The following IRF4 variants were observed in gnomAD, a reference collection of about 807,000 sequenced individuals.
The protein encoded by IRF4 is interferon regulatory factor 4.
In IRF4, 13 loss-of-function variants were observed where a neutral mutation model predicts 55.5. The observed-to-expected ratio is 0.23, with a 90% CI of 0.15 to 0.37. IRF4 has a LOEUF of 0.37. Ranked by LOEUF, IRF4 falls within the 10% of genes least tolerant of loss-of-function variation. The probability of loss-of-function intolerance (pLI) is 1.00; values close to 1 mark genes in which losing one functional copy is unlikely to be tolerated. For missense variants in IRF4, 397 were observed against 593.8 expected (o/e 0.67, Z 3.44); for synonymous variants, 249 against 240.7 (o/e 1.03, Z -0.32).
intron 1 of IRF4, among the ~76,000 whole-genome samples, 197 bp from the exon 2 acceptor site, chr6:392,901 C>A (rs946602420): frequency 6.6e-6 from 1 of 151,800 alleles, no homozygotes; most frequent in African/African-American, 2.4e-5. Context: ...AGGCGGACGG[C>A]TGTGCCCGCC....
chr6:405,176 G>C, intron 8 of IRF4, 46 bp downstream of exon 8: 2 of 1,027,658 alleles, frequency 1.9e-6, no homozygotes, highest in East Asian at 4.7e-5. Context: ...CCTGTTCTTT[G>C]TAAAGGCCAG....
At chr6:403,640 TG>T (rs1761466102) in intron 7 of IRF4, among the ~76,000 whole-genome samples, 1 of 152,240 alleles carries the variant, frequency 6.6e-6, no homozygotes, top group Admixed American at 6.5e-5. Flanking sequence ...GAGCAAGAGC[TG>T]GTCTTGGCTT....
intron 2 of IRF4, 100 bp from the exon 3 acceptor site, chr6:394,721 C>A: frequency 1.7e-6 from 2 of 1,162,612 alleles, no homozygotes; most frequent in Non-Finnish European, 2.5e-6. Context: ...TGCCACTGTA[C>A]TCTAGCCTGG....
intron 7 of IRF4, among the ~76,000 whole-genome samples, chr6:402,658 C>G (rs552006091): frequency 6.6e-6 from 1 of 152,372 alleles, no homozygotes; most frequent in East Asian, 1.9e-4. Context: ...TGTGCTCGTA[C>G]TTCTGGGTGT....
chr6:407,614 G>A lies in IRF4; in HGVS notation c.*16G>A. 1.3e-6 allele frequency: 2 copies of A among 1,531,284 alleles called. No individual in the cohort carries two copies. Among genetic ancestry groups the A allele is most frequent in the Non-Finnish European group, 1.8e-6 (2 of 1,125,392 alleles). The allele number at this position is 1,531,284 out of a possible 1,614,324, so 94.9% of individuals were successfully genotyped here. A position where few individuals can be genotyped will look rare whatever the true frequency, so the allele number is the denominator to read the frequency against. ...TCAAGAATGAAAAATGTCAAGATGA[G>A]TGGTTTTCTTTTTCCTTTTTTTTTT... On this transcript the variant is annotated 3_prime_UTR_variant, in exon 9 of 9. Transcript: ENST00000380956.
At position 393,146 on chromosome 6, in the gene IRF4, G is replaced by A. The variant is rs1168961319; in HGVS notation, c.-7G>A. On this transcript the variant is annotated 5_prime_UTR_variant, in exon 2 of 9. Coordinates refer to ENST00000380956, the MANE Select transcript of IRF4 (RefSeq NM_002460.4). This position sits in a 1 kb window ranked among gnomAD's most constrained non-coding sequence, Gnocchi z 5.4. ...CCCCGGGCGCGGGCGCGGACGGCAC[G>A]CGGGGCATGAACCTGGAGGGCGGCG... 2 of 1,547,902 alleles carry A rather than the reference G, an allele frequency of 1.3e-6. No individual in the cohort carries two copies. Among genetic ancestry groups the A allele is most frequent in the Middle Eastern group, 1.9e-4 (1 of 5,284 alleles).
At chr6:404,406 G>T (rs1377708805) in intron 7 of IRF4, among the ~76,000 whole-genome samples, 1 of 150,110 alleles carries the variant, frequency 6.7e-6, no homozygotes, top group Non-Finnish European at 1.5e-5. Flanking sequence ...TCCATCCCTG[G>T]AGACAGGCAA....
chr6:405,899 C>T (rs940477549), intron 8 of IRF4, among the ~76,000 whole-genome samples: 59 of 152,168 alleles, frequency 3.9e-4, no homozygotes, highest in African/African-American at 1.3e-3. Context: ...CACATTGCTA[C>T]ATACTTGCAA....
chr6:401,569 C>T lies in IRF4; in HGVS notation c.891C>T (p.Asp297=), dbSNP rs2127439977. The change falls in exon 7 of 9, where the codon GAC becomes GAT. Residue 297 remains aspartate (D), a synonymous_variant. Coordinates refer to ENST00000380956, the MANE Select transcript of IRF4 (RefSeq NM_002460.4). Reference sequence around the variant, plus strand: ...AGGTCCTGTTCCCCTACCCAGAGGACAATGGCCAGAGGAAAAACATTGAGA... The same window carrying T: ...AGGTCCTGTTCCCCTACCCAGAGGATAATGGCCAGAGGAAAAACATTGAGA... The part of the protein sequence containing the change: ...LDQVLFPYPE[D]NGQRKNIEKL... 6.2e-7 allele frequency: 1 copy of T among 1,614,134 alleles called. No homozygotes were observed. Among genetic ancestry groups the T allele is most frequent in the Non-Finnish European group, 8.5e-7 (1 of 1,180,046 alleles).
chr6:399,264 C>T (rs187035895), intron 6 of IRF4, among the ~76,000 whole-genome samples: 12 of 152,224 alleles, frequency 7.9e-5, no homozygotes, highest in East Asian at 5.8e-4. Context: ...AACATTCTCA[C>T]GATGTGGAAT....
rs1239988093 is a variant in IRF4, at chr6:393,374, C to T, written c.216+6C>T. The T allele has an allele frequency of 2.6e-6, 4 of 1,545,798 alleles. No individual in the cohort carries two copies. Among genetic ancestry groups the T allele is most frequent in the Non-Finnish European group, 2.6e-6 (3 of 1,141,360 alleles). ...AGGACGCCGCGCTCTTCAAGGTCTC[C>T]GGCCTCGGGAGCCGGCGGGGGCGCG... On this transcript the variant is annotated splice_donor_region_variant and intron_variant, in intron 2 of 8. Transcript: ENST00000380956. This position sits in a 1 kb window ranked among gnomAD's most constrained non-coding sequence, Gnocchi z 5.4.
At chr6:392,319 C>T (rs932786039) in intron 1 of IRF4, among the ~76,000 whole-genome samples, 1 of 152,234 alleles carries the variant, frequency 6.6e-6, no homozygotes, top group African/African-American at 2.4e-5. Flanking sequence ...CGCTCCGAGC[C>T]TTGCGTGCGG....
At position 393,434 on chromosome 6, in the gene IRF4, C is replaced by A; in HGVS notation, c.216+66C>A. ...GCCCAGAGACAGAGCCCGGGGTCCC[C>A]GGCGCCGCCTCCGAGGCGAGCCCAG... On this transcript the variant is annotated intron_variant, in intron 2 of 8. Transcript: ENST00000380956. This position sits in a 1 kb window ranked among gnomAD's most constrained non-coding sequence, Gnocchi z 5.4. 1 of 745,128 alleles carries A rather than the reference C, an allele frequency of 1.3e-6. No individual in the cohort carries two copies. Among genetic ancestry groups the A allele is most frequent in the Non-Finnish European group, 1.9e-6 (1 of 516,274 alleles). 46.2% of individuals were successfully genotyped at this position (745,128 alleles called of 1,614,324 possible).
Position 407,700 on chromosome 6 carries a change from A to G in IRF4, c.*102A>G. Reference sequence around the variant, plus strand: ...GTCTCCCAGGCTGGAGTGCAGTGACACAATCTCAGCTCACTGTGACCTCCG... The same window carrying G: ...GTCTCCCAGGCTGGAGTGCAGTGACGCAATCTCAGCTCACTGTGACCTCCG... On this transcript the variant is annotated 3_prime_UTR_variant, in exon 9 of 9. Transcript: ENST00000380956. 3 of 1,087,422 alleles carry G rather than the reference A, an allele frequency of 2.8e-6. No homozygotes were observed. Among genetic ancestry groups the G allele is most frequent in the Non-Finnish European group, 1.3e-6 (1 of 765,986 alleles). 67.4% of individuals were successfully genotyped at this position (1,087,422 alleles called of 1,614,324 possible).
chr6:399,140 TCTG>T (rs1761339618), intron 6 of IRF4, among the ~76,000 whole-genome samples: 1 of 152,208 alleles, frequency 6.6e-6, no homozygotes, highest in South Asian at 2.1e-4. Flanking sequence ...TGCTTGTGGT[TCTG>T]CTGACCGTTT....
Position 407,949 on chromosome 6 carries a change from G to GA in IRF4, c.*352dup, listed in dbSNP as rs1374480590. ...GGCGAGACAAGCATGGAAAATCAGT[G>GA]ACATCTGATTGGCAGATGAGCTTAT... On this transcript the variant is annotated 3_prime_UTR_variant, in exon 9 of 9. Transcript: ENST00000380956. The GA allele has an allele frequency of 7.0e-5, 22 of 316,412 alleles. No homozygotes were observed. The highest frequency in any genetic ancestry group is 4.3e-4 in the African/African-American group (20 of 46,254). The allele number at this position is 316,412 out of a possible 1,614,324, so 19.6% of individuals were successfully genotyped here.
intron 8 of IRF4, 91 bp from the exon 9 acceptor site, chr6:407,364 C>T (rs533061218): frequency 1.1e-4 from 138 of 1,235,392 alleles, no homozygotes; most frequent in Non-Finnish European, 1.4e-4. Flanking sequence ...TTGGGCTTTA[C>T]GTTACTGTCT....
In IRF4 at chr6:407,629, CTTTTTTTTTTT is replaced by C. The variant is rs566047868; in HGVS notation, c.*40_*50del. On this transcript the variant is annotated 3_prime_UTR_variant, in exon 9 of 9. Coordinates refer to ENST00000380956, the MANE Select transcript of IRF4 (RefSeq NM_002460.4). ...GTCAAGATGAGTGGTTTTCTTTTTC[CTTTTTTTTTTT>C]TTTTTTTTGATACGGGGATACGGGG... 4.7e-6 allele frequency: 6 copies of C among 1,284,912 alleles called. No individual in the cohort carries two copies. The East Asian group carries it at 1.0e-4, about 22-fold the overall frequency. The allele number at this position is 1,284,912 out of a possible 1,614,324, so 79.6% of individuals were successfully genotyped here.
intron 8 of IRF4, among the ~76,000 whole-genome samples, chr6:405,976 C>G (rs1761533961): frequency 6.6e-6 from 1 of 152,158 alleles, no homozygotes; most frequent in Non-Finnish European, 1.5e-5. Context: ...CATCAAAGTT[C>G]TCATCATGTT....
Sources: allele counts gnomAD v4.1 joint callset (sites outside exome capture counted in the v4.1 genomes callset), GRCh38; gene constraint gnomAD v4.1.1; non-coding constraint Gnocchi (gnomAD v3.1); transcripts MANE v1.5; gene names NCBI Gene and HGNC (gene_info 2026-07-23, HGNC 2026-07-21).